Variants in CCDC125 observed in about 807,000 individuals in gnomAD.
CCDC125 encodes the protein coiled-coil domain-containing protein 125.
A neutral mutation model predicts 57.4 loss-of-function variants in CCDC125; 43 were observed. That is an observed-to-expected ratio of 0.75 (90% confidence interval 0.59 to 0.97). The LOEUF (loss-of-function observed/expected upper bound fraction) is 0.97. CCDC125 is among the 50% of genes least tolerant of loss of function. The pLI is 0.00. For missense variants in CCDC125, 563 were observed against 595.7 expected, an observed-to-expected ratio of 0.95 and a Z score of 0.57; for synonymous variants, 187 against 195.2, an observed-to-expected ratio of 0.96 and a Z score of 0.35.
chr5:69,310,814 G>A (rs1758010905), intron 4 of CCDC125: 1 of 169,690 alleles, frequency 5.9e-6, no homozygotes, highest in African/African-American at 2.4e-5. Context: ...TAGATTACTG[G>A]GGATAGGGGT....
chr5:69,273,981 T>C, the CCDC125 span, among the ~76,000 whole-genome samples: 1 of 152,180 alleles, frequency 6.6e-6, no homozygotes, highest in African/African-American at 2.4e-5. Context: ...TAATTTCTTT[T>C]TTAAAAAATT....
intron 4 of CCDC125, 126 bp from the exon 5 acceptor site, chr5:69,308,154 G>T: frequency 1.4e-6 from 1 of 704,594 alleles, no homozygotes; most frequent in Non-Finnish European, 2.5e-6. Flanking sequence ...ATTTCACAGT[G>T]ACCACCTTTT....
intron 1 of CCDC125, among the ~76,000 whole-genome samples, chr5:69,322,899 C>T (rs535999526): frequency 7.9e-5 from 12 of 152,074 alleles, no homozygotes; most frequent in South Asian, 6.2e-4. Flanking sequence ...CACACGCCTA[C>T]TCAGGAGGCT....
downstream of CCDC125, among the ~76,000 whole-genome samples, chr5:69,276,098 C>T (rs533799358): frequency 6.6e-5 from 10 of 152,042 alleles, no homozygotes; most frequent in Non-Finnish European, 1.3e-4. Flanking sequence ...GGTGCGATCT[C>T]GGCTCACTGC....
chr5:69,283,084 A>G, intron 11 of CCDC125, 50 bp from the exon 12 acceptor site: 3 of 1,389,424 alleles, frequency 2.2e-6, no homozygotes, highest in Non-Finnish European at 2.9e-6. Flanking sequence ...AAATCACAGA[A>G]TATATTCAGA....
intron 1 of CCDC125, among the ~76,000 whole-genome samples, chr5:69,332,269 C>G (rs1352182347): frequency 6.6e-6 from 1 of 152,176 alleles, no homozygotes; most frequent in African/African-American, 2.4e-5. Context: ...ACCTTTTACC[C>G]AAATTCCTCT....
chr5:69,313,113 TG>T, intron 3 of CCDC125, among the ~76,000 whole-genome samples: 1 of 152,042 alleles, frequency 6.6e-6, no homozygotes, highest in South Asian at 2.1e-4. Flanking sequence ...CTGGGGTGCC[TG>T]GGGGGAACTT....
chr5:69,282,390 C>T lies in CCDC125; in HGVS notation c.*339G>A, dbSNP rs992836335. ...CAGCCTGGCTAACATGGTAAAACCC[C>T]GTCTCTACTAAAAATACAAAAATTA... On this transcript the variant is annotated 3_prime_UTR_variant, in exon 12 of 12. Coordinates refer to ENST00000396496, the MANE Select transcript of CCDC125 (RefSeq NM_176816.5). The T allele has an allele frequency of 2.8e-5, 5 of 180,664 alleles. No individual in the cohort carries two copies. The highest frequency in any genetic ancestry group is 4.6e-5 in the Non-Finnish European group (4 of 87,432). The allele number at this position is 180,664 out of a possible 1,614,324, so 11.2% of individuals were successfully genotyped here.
chr5:69,305,285 G>A (rs1437762121), intron 6 of CCDC125, among the ~76,000 whole-genome samples: 2 of 152,000 alleles, frequency 1.3e-5, no homozygotes, highest in Non-Finnish European at 2.9e-5. Flanking sequence ...CCAGTCTCAG[G>A]TCCCTGTAGC....
intron 1 of CCDC125, among the ~76,000 whole-genome samples, chr5:69,331,131 C>T (rs1260917152): frequency 6.6e-6 from 1 of 151,950 alleles, no homozygotes; most frequent in Non-Finnish European, 1.5e-5. Flanking sequence ...GGTGAAACCC[C>T]GTCTCTACTA....
intron 1 of CCDC125, among the ~76,000 whole-genome samples, chr5:69,328,567 G>A (rs1403143853): frequency 6.6e-6 from 1 of 152,052 alleles, no homozygotes; most frequent in Non-Finnish European, 1.5e-5. Context: ...ATATACAAGT[G>A]TAAAACATAA....
At chr5:69,311,486 A>T (rs1758135519) in intron 3 of CCDC125, among the ~76,000 whole-genome samples, 1 of 152,076 alleles carries the variant, frequency 6.6e-6, no homozygotes, top group Non-Finnish European at 1.5e-5. Flanking sequence ...CCCCGTCTCT[A>T]CTAAACATAC....
At chr5:69,330,488 G>A (rs1304063980) in intron 1 of CCDC125, among the ~76,000 whole-genome samples, 4 of 151,932 alleles carry the variant, frequency 2.6e-5, no homozygotes, top group Admixed American at 2.0e-4. Context: ...CAGCTACTCG[G>A]GAGGCTGAGG....
At chr5:69,286,754 T>C (rs555120138) in intron 10 of CCDC125, among the ~76,000 whole-genome samples, 2 of 152,272 alleles carry the variant, frequency 1.3e-5, no homozygotes, top group African/African-American at 4.8e-5. Flanking sequence ...AAAAGTGGTT[T>C]AGTGGGAAAC....
intron 8 of CCDC125, 124 bp from the exon 9 acceptor site, chr5:69,295,024 T>A: frequency 1.5e-6 from 1 of 650,638 alleles, no homozygotes; most frequent in Non-Finnish European, 2.5e-6. Flanking sequence ...CCAAAAAAAC[T>A]GGAAAGGAAA....
chr5:69,300,142 A>G lies in CCDC125; in HGVS notation c.701-15T>C, dbSNP rs763968029. The G allele has an allele frequency of 6.4e-7, 1 of 1,570,300 alleles. No homozygotes were observed. The highest frequency in any genetic ancestry group is 8.8e-7 in the Non-Finnish European group (1 of 1,140,006). On this transcript the variant is annotated splice_polypyrimidine_tract_variant and intron_variant, in intron 7 of 11. Transcript: ENST00000396496. ...TTGATTCAAAACTAGGAAGGGCCAT[A>G]TGAGAAAGTATTCATTATGAAGCCT... is the stretch of plus-strand genomic sequence containing the variant.
chr5:69,306,421 C>T (rs1230674739), intron 6 of CCDC125, among the ~76,000 whole-genome samples: 1 of 152,150 alleles, frequency 6.6e-6, no homozygotes, highest in Non-Finnish European at 1.5e-5. Flanking sequence ...CTCCAACTCC[C>T]AGGCCCAAGT....
downstream of CCDC125, among the ~76,000 whole-genome samples, chr5:69,275,588 G>A (rs1258278497): frequency 6.6e-6 from 1 of 152,156 alleles, no homozygotes; most frequent in Non-Finnish European, 1.5e-5. Flanking sequence ...ATGACGTGAT[G>A]CCACAAGTGG....
Position 69,320,278 on chromosome 5 carries a change from T to C in CCDC125, c.263A>G (p.Gln88Arg). Residue 88 changes from glutamine to arginine, a missense_variant, in exon 2 of 12, where the codon CAA becomes CGA. By Grantham distance (43) the Gln-to-Arg change is conservative. Transcript: ENST00000396496. ...KHKSQQDTFP[Q>R]VSRISNYRRQ... Reference sequence around the variant, plus strand: ...TCTGTAATTGGAAATTCTGGACACTTGAGGGAATGTATCTTGCTGGCTCTT... The same window carrying C: ...TCTGTAATTGGAAATTCTGGACACTCGAGGGAATGTATCTTGCTGGCTCTT... 7.4e-6 allele frequency: 12 copies of C among 1,614,114 alleles called. No homozygotes were observed. The highest frequency in any genetic ancestry group is 1.0e-5 in the Non-Finnish European group (12 of 1,180,018).
Sources: gnomAD v4.1 joint callset for allele counts (sites outside exome capture counted in the v4.1 genomes callset) on GRCh38, gnomAD v4.1.1 for gene constraint, MANE v1.5 for transcripts, NCBI Gene and HGNC (gene_info 2026-07-23, HGNC 2026-07-21) for gene names.